The following EXT1 variants were observed in gnomAD, a reference collection of about 807,000 sequenced individuals.
The protein encoded by EXT1 is exostosin glycosyltransferase 1.
EXT1 carries 20 observed loss-of-function variants against 82.5 expected under a neutral mutation model. That is an observed-to-expected ratio of 0.24 (90% CI 0.17 to 0.35). The LOEUF is 0.35. Ranked by LOEUF, EXT1 falls within the 10% of genes least tolerant of loss-of-function variation. EXT1 has a pLI of 1.00. For missense variants in EXT1, 757 were observed against 936.5 expected, an observed-to-expected ratio of 0.81 and a Z score of 2.50; for synonymous variants, 348 against 350.8, an observed-to-expected ratio of 0.99 and a Z score of 0.09.
chr8:117,859,796 A>T (rs1333673380), intron 1 of EXT1, among the ~76,000 whole-genome samples: 1 of 152,250 alleles, frequency 6.6e-6, no homozygotes. Flanking sequence ...TGGATTAAAT[A>T]AATGGTGGTA....
chr8:118,067,888 T>A (rs1005196272), intron 1 of EXT1, among the ~76,000 whole-genome samples: 2 of 152,216 alleles, frequency 1.3e-5, no homozygotes, highest in Non-Finnish European at 2.9e-5. Flanking sequence ...TAAAGGGAAA[T>A]AAATCATTTA....
chr8:117,905,244 G>A (rs117437583), intron 1 of EXT1, among the ~76,000 whole-genome samples: 1,704 of 152,234 alleles, frequency 0.011, 12 homozygotes, highest in Non-Finnish European at 0.018. Context: ...TGACATTCCT[G>A]AGCCTTGGTT....
At chr8:117,966,264 C>G (rs1027311568) in intron 1 of EXT1, among the ~76,000 whole-genome samples, 1 of 152,326 alleles carries the variant, frequency 6.6e-6, no homozygotes, top group Non-Finnish European at 1.5e-5. Flanking sequence ...AATGAGATCT[C>G]TGTGTGTATT....
At chr8:118,098,553 A>G (rs955017794) in intron 1 of EXT1, among the ~76,000 whole-genome samples, 8 of 152,010 alleles carry the variant, frequency 5.3e-5, no homozygotes, top group Non-Finnish European at 8.8e-5. Flanking sequence ...TCAGGAGATC[A>G]AGACCGTCCT....
At chr8:117,990,108 G>C (rs145695419) in intron 1 of EXT1, among the ~76,000 whole-genome samples, 1,666 of 152,240 alleles carry the variant, frequency 0.011, 12 homozygotes, top group African/African-American at 0.017. Context: ...AGGAGGCAGA[G>C]GCTGTTATGA....
At chr8:118,003,890 T>C (rs867526560) in intron 1 of EXT1, among the ~76,000 whole-genome samples, 9 of 152,246 alleles carry the variant, frequency 5.9e-5, no homozygotes, top group African/African-American at 1.9e-4. Context: ...TGTACTTTTC[T>C]ACACTTTTGC....
At chr8:117,973,874 AG>A (rs760344882) in intron 1 of EXT1, among the ~76,000 whole-genome samples, 10,850 of 117,132 alleles carry the variant, frequency 0.093, 1,635 homozygotes, top group South Asian at 0.13. Context: ...AGGAAAGGAA[AG>A]GAAAGGAAAG....
At position 118,067,998 on chromosome 8, in the gene EXT1, C is replaced by T. The variant is rs543828199; in HGVS notation, c.962+42087G>A. Among the ~76,000 whole-genome samples the T allele has an allele frequency of 3.9e-5, 6 of 152,348 alleles. No homozygotes were observed. The South Asian group carries it at 1.2e-3, about 32-fold the overall frequency. On this transcript the variant is annotated intron_variant, in intron 1 of 10. Coordinates refer to ENST00000378204, the MANE Select transcript of EXT1 (RefSeq NM_000127.3). ...TGCAATATTAGTAACAAAACTGCAA[C>T]TACAACTTTCTGATTACCTGAGAAG...
chr8:117,995,636 G>T (rs976306318), intron 1 of EXT1, among the ~76,000 whole-genome samples: 2 of 152,140 alleles, frequency 1.3e-5, no homozygotes, highest in Non-Finnish European at 2.9e-5. Flanking sequence ...TTGCCTAAAT[G>T]ACATCTCTTT....
chr8:117,885,564 T>C (rs1324090400), intron 1 of EXT1, among the ~76,000 whole-genome samples: 1 of 149,938 alleles, frequency 6.7e-6, no homozygotes, highest in East Asian at 2.0e-4. Flanking sequence ...TGAAGACACA[T>C]GTCAGTGCCT....
At chr8:118,000,461 C>T (rs1287204520) in intron 1 of EXT1, among the ~76,000 whole-genome samples, 1 of 152,196 alleles carries the variant, frequency 6.6e-6, no homozygotes, top group Non-Finnish European at 1.5e-5. Flanking sequence ...AGCCTTGGTT[C>T]CACTTTACAC....
intron 1 of EXT1, among the ~76,000 whole-genome samples, chr8:118,056,141 T>C (rs1452914693): frequency 6.6e-6 from 1 of 152,236 alleles, no homozygotes; most frequent in Non-Finnish European, 1.5e-5. Context: ...TTGGGTTGCA[T>C]TCAAAGCCAT....
intron 1 of EXT1, among the ~76,000 whole-genome samples, chr8:118,068,491 C>T (rs1817030426): frequency 2.0e-5 from 3 of 152,188 alleles, no homozygotes; most frequent in African/African-American, 4.8e-5. Context: ...CGCTCTCCCC[C>T]GACAGGCCCC....
intron 1 of EXT1, among the ~76,000 whole-genome samples, chr8:118,095,294 C>T (rs1427566131): frequency 6.6e-6 from 1 of 152,200 alleles, no homozygotes; most frequent in African/African-American, 2.4e-5. Flanking sequence ...GAAAACACTA[C>T]TCCACCTTTT....
intron 1 of EXT1, among the ~76,000 whole-genome samples, chr8:118,100,912 AC>A: frequency 6.6e-6 from 1 of 152,144 alleles, no homozygotes; most frequent in African/African-American, 2.4e-5. Flanking sequence ...CAGCTTGAAG[AC>A]CCCTGTAGGT....
At chr8:118,011,604 G>A (rs1216696147) in intron 1 of EXT1, among the ~76,000 whole-genome samples, 1 of 152,128 alleles carries the variant, frequency 6.6e-6, no homozygotes, top group South Asian at 2.1e-4. Flanking sequence ...GAAAACTGAG[G>A]TTCACAGATA....
At chr8:117,998,715 G>C (rs1701423944) in intron 1 of EXT1, among the ~76,000 whole-genome samples, 1 of 152,140 alleles carries the variant, frequency 6.6e-6, no homozygotes, top group South Asian at 2.1e-4. Flanking sequence ...ATATAGAAGA[G>C]CTGAATACAG....
At position 117,929,158 on chromosome 8, in the gene EXT1, A is replaced by C. The variant is rs148729430; in HGVS notation, c.963-91957T>G. ...AGTGCTATATATACAGTAAGTACTC[A>C]ATAAGTATTTTCTGTCTATGGGCTA... On this transcript the variant is annotated intron_variant, in intron 1 of 10. Coordinates refer to ENST00000378204, the MANE Select transcript of EXT1 (RefSeq NM_000127.3). Among the ~76,000 whole-genome samples the C allele has an allele frequency of 7.8e-4, 119 of 152,354 alleles. 2 individuals carry two copies. Among genetic ancestry groups the C allele is most frequent in the African/African-American group, 2.6e-3 (108 of 41,576 alleles).
intron 1 of EXT1, among the ~76,000 whole-genome samples, chr8:118,037,026 C>T (rs898459998): frequency 4.6e-5 from 7 of 152,106 alleles, no homozygotes; most frequent in African/African-American, 1.4e-4. Flanking sequence ...TTTTGTTATC[C>T]AGGTATACTC....
Sources: gnomAD v4.1 joint callset for allele counts (sites outside exome capture counted in the v4.1 genomes callset) on GRCh38, gnomAD v4.1.1 for gene constraint, MANE v1.5 for transcripts, NCBI Gene and HGNC (gene_info 2026-07-23, HGNC 2026-07-21) for gene names.